Variants in CPA6 observed in about 807,000 individuals in gnomAD.
CPA6 encodes carboxypeptidase B.
Under a neutral mutation model 63.3 loss-of-function variants are expected in CPA6, and 58 were observed. The observed-to-expected ratio is 0.92, with a 90% CI of 0.74 to 1.14. The LOEUF (loss-of-function observed/expected upper bound fraction) is 1.14. Ranked by LOEUF, CPA6 falls within the 50% of genes most tolerant of loss-of-function variation. CPA6 has a pLI of 0.00. For synonymous variants in CPA6, 185 were observed against 179.0 expected (o/e 1.03, Z -0.27); for missense variants, 565 against 526.6 (o/e 1.07, Z -0.71).
At chr8:67,573,922 C>CAAAAAAAAAA (rs1813555947) in intron 2 of CPA6, among the ~76,000 whole-genome samples, 1 of 104,922 alleles carries the variant, frequency 9.5e-6, no homozygotes, top group African/African-American at 4.0e-5. Context: ...AAAAAAAAAT[C>CAAAAAAAAAA]AAGGAAAGAA....
intron 1 of CPA6, among the ~76,000 whole-genome samples, chr8:67,694,251 C>A (rs1200068819): frequency 6.6e-6 from 1 of 152,210 alleles, no homozygotes; most frequent in Non-Finnish European, 1.5e-5. Context: ...GATAGGGATG[C>A]TGTTTGGAGC....
At chr8:67,710,090 G>A (rs982547432) in intron 1 of CPA6, among the ~76,000 whole-genome samples, 7 of 151,154 alleles carry the variant, frequency 4.6e-5, no homozygotes, top group Non-Finnish European at 7.4e-5. Context: ...TCTAGCCTGG[G>A]CAACAGAGCG....
chr8:67,671,826 A>G (rs1816353310), intron 1 of CPA6, among the ~76,000 whole-genome samples: 2 of 152,108 alleles, frequency 1.3e-5, no homozygotes, highest in Admixed American at 1.3e-4. Flanking sequence ...TTTAAATTAA[A>G]TTTTATTGTA....
At chr8:67,521,969 T>C (rs2128967465) in intron 2 of CPA6, among the ~76,000 whole-genome samples, 2 of 152,220 alleles carry the variant, frequency 1.3e-5, no homozygotes, top group Middle Eastern at 3.4e-3. Context: ...TCCTTATTGG[T>C]CAATATTTAA....
chr8:67,489,861 T>A (rs1326016192), intron 6 of CPA6, among the ~76,000 whole-genome samples: 1 of 152,208 alleles, frequency 6.6e-6, no homozygotes, highest in Admixed American at 6.5e-5. Flanking sequence ...GCCATTAACA[T>A]CATTTAAAAT....
At chr8:67,678,713 C>T (rs867127422) in intron 1 of CPA6, among the ~76,000 whole-genome samples, 1 of 152,178 alleles carries the variant, frequency 6.6e-6, no homozygotes, top group Non-Finnish European at 1.5e-5. Context: ...GGTGGTAACA[C>T]CTCGTAGAGC....
intron 1 of CPA6, among the ~76,000 whole-genome samples, chr8:67,701,957 A>G (rs1817033539): frequency 6.6e-6 from 1 of 151,916 alleles, no homozygotes; most frequent in South Asian, 2.1e-4. Flanking sequence ...ATCCCCACGA[A>G]CCCTAGGTTT....
At chr8:67,681,003 T>G (rs1816579699) in intron 1 of CPA6, among the ~76,000 whole-genome samples, 1 of 152,080 alleles carries the variant, frequency 6.6e-6, no homozygotes. Flanking sequence ...TGGATACAAG[T>G]CTTTTATCAA....
chr8:67,480,022 A>C (rs1663732343), intron 8 of CPA6, among the ~76,000 whole-genome samples: 1 of 151,798 alleles, frequency 6.6e-6, no homozygotes, highest in Non-Finnish European at 1.5e-5. Context: ...AAGGGCATAT[A>C]TAGAGAGGGG....
chr8:67,464,482 T>C (rs1337681883), intron 8 of CPA6, among the ~76,000 whole-genome samples: 1 of 152,244 alleles, frequency 6.6e-6, no homozygotes, highest in Non-Finnish European at 1.5e-5. Context: ...CTGTTTACTG[T>C]ATTGATAGTT....
Position 67,573,891 on chromosome 8 carries a change from CAAAA to C in CPA6, c.192+50281_192+50284del, listed in dbSNP as rs34145304. 9.8e-3 allele frequency among the ~76,000 whole-genome samples: 329 copies of C among 33,486 alleles called. 4 individuals are homozygous for C. The highest frequency in any genetic ancestry group is 0.023 in the African/African-American group (201 of 8,838). 22.0% of individuals were successfully genotyped at this position (33,486 alleles called of 152,430 possible). Reference sequence around the variant, plus strand: ...TGGGCGACAGAGCAAGACTCCGTCTCAAAAAAAAAAAAAAAAAAAAAAAAAAAAA... The same window carrying C: ...TGGGCGACAGAGCAAGACTCCGTCTCAAAAAAAAAAAAAAAAAAAAAAAAA... On this transcript the variant is annotated intron_variant, in intron 2 of 10. Coordinates refer to ENST00000297770, the MANE Select transcript of CPA6 (RefSeq NM_020361.5).
chr8:67,737,173 A>G (rs1038597552), intron 1 of CPA6, among the ~76,000 whole-genome samples: 1 of 152,148 alleles, frequency 6.6e-6, no homozygotes, highest in African/African-American at 2.4e-5. Flanking sequence ...ATGGGACCTC[A>G]CCTACCTCTG....
Position 67,475,891 on chromosome 8 carries a change from TTTC to T in CPA6, c.838+7874_838+7876del, listed in dbSNP as rs1563968115. Among the ~76,000 whole-genome samples the T allele has an allele frequency of 1.3e-3, 97 of 72,260 alleles. 6 individuals carry two copies. The highest frequency in any genetic ancestry group is 6.4e-3 in the African/African-American group (91 of 14,124). 47.4% of individuals were successfully genotyped at this position (72,260 alleles called of 152,430 possible). A position where few individuals can be genotyped will look rare whatever the true frequency, so the allele number is the denominator to read the frequency against. On this transcript the variant is annotated intron_variant, in intron 8 of 10. Coordinates refer to ENST00000297770, the MANE Select transcript of CPA6 (RefSeq NM_020361.5). ...TCTTTCTTTCTTTCTCCTTTCTTTC[TTTC>T]TTTCTTTCTTTCTTTCTTTCTTTCT... is the stretch of plus-strand genomic sequence containing the variant.
intron 1 of CPA6, among the ~76,000 whole-genome samples, chr8:67,635,089 T>C (rs1265948002): frequency 6.6e-6 from 1 of 151,464 alleles, no homozygotes; most frequent in Non-Finnish European, 1.5e-5. Flanking sequence ...GGTCTTGTTA[T>C]GTTGCCCAGG....
rs1810089800 is a variant in CPA6 at position 67,434,092 on chromosome 8, C to T, written c.987G>A (p.Met329Ile). The change falls in exon 9 of 11, where the codon ATG becomes ATA. Residue 329 changes from methionine (M) to isoleucine (I), a missense_variant. Physicochemically the swap from Met to Ile is conservative, Grantham distance 10 (BLOSUM62 1). Coordinates refer to ENST00000297770, the MANE Select transcript of CPA6 (RefSeq NM_020361.5). ...ATTTGTAAGAATAGGGATACAGTAA[C>T]ATCTGAGCATATGCATGAAAGGAGA... ...AYLSFHAYAQ[M>I]LLYPYSYKYA... 6.8e-6 allele frequency: 11 copies of T among 1,613,688 alleles called. No homozygotes were observed. The highest frequency in any genetic ancestry group is 8.5e-6 in the Non-Finnish European group (10 of 1,179,896).
At chr8:67,512,531 C>G (rs150332819) in intron 3 of CPA6, among the ~76,000 whole-genome samples, 24 of 152,304 alleles carry the variant, frequency 1.6e-4, no homozygotes, top group African/African-American at 5.3e-4. Flanking sequence ...TTTGTGGAAC[C>G]AGCTCCAGGC....
At chr8:67,425,500 G>A (rs974760093) in intron 10 of CPA6, among the ~76,000 whole-genome samples, 10 of 152,120 alleles carry the variant, frequency 6.6e-5, no homozygotes, top group Non-Finnish European at 1.3e-4. Context: ...TCAGTCAACT[G>A]AGTAGCTGGG....
chr8:67,589,113 T>TAA (rs146171487), intron 2 of CPA6, among the ~76,000 whole-genome samples: 1 of 140,764 alleles, frequency 7.1e-6, no homozygotes, highest in Non-Finnish European at 1.6e-5. Flanking sequence ...GCAAGACTCT[T>TAA]AAAAAAAAAA....
At chr8:67,557,808 T>A (rs890338891) in intron 2 of CPA6, among the ~76,000 whole-genome samples, 5 of 152,198 alleles carry the variant, frequency 3.3e-5, no homozygotes, top group Non-Finnish European at 7.3e-5. Flanking sequence ...TTGTACTAAA[T>A]TTTCAGGAGA....
Sources: gnomAD v4.1 joint callset for allele counts (sites outside exome capture counted in the v4.1 genomes callset) on GRCh38, gnomAD v4.1.1 for gene constraint, MANE v1.5 for transcripts, NCBI Gene and HGNC (gene_info 2026-07-23, HGNC 2026-07-21) for gene names.